The following PLA2G4F variants were observed in gnomAD, a reference collection of about 807,000 sequenced individuals.
The protein encoded by PLA2G4F is phospholipase A2 group IVF.
Under a neutral mutation model 103.1 loss-of-function variants are expected in PLA2G4F, and 105 were observed. The observed-to-expected ratio is 1.02, with a 90% CI of 0.87 to 1.20. PLA2G4F has a LOEUF of 1.20. Among genes scored for constraint, PLA2G4F ranks in the 50% most tolerant of loss-of-function variants. The probability of loss-of-function intolerance (pLI) is 0.00; values close to 1 mark genes in which losing one functional copy is unlikely to be tolerated. For missense variants in PLA2G4F, 1,155 were observed against 1,075.9 expected (o/e 1.07, Z -1.03); for synonymous variants, 468 against 441.1 (o/e 1.06, Z -0.76).
rs772958274 is a variant in PLA2G4F, at chr15:42,143,976, A to T, written c.2142+2T>A. 1 of 1,594,988 alleles carries T rather than the reference A, an allele frequency of 6.3e-7. No individual in the cohort carries two copies. The highest frequency in any genetic ancestry group is 8.6e-7 in the Non-Finnish European group (1 of 1,168,496). ...TCCCCACATCCCTGCCTCCCAGCTC[A>T]CCTCAAAAGGGGCTTCCAAGGAATA... On this transcript the variant is annotated splice_donor_variant, in intron 18 of 19. Transcript: ENST00000397272. LOFTEE classifies it high-confidence loss of function.
chr15:42,150,080 C>A lies in PLA2G4F; in HGVS notation c.923+24G>T, dbSNP rs185307359. 261 of 1,614,108 alleles carry A rather than the reference C, an allele frequency of 1.6e-4. 1 individual carries two copies. In the African/African-American group the frequency reaches 3.2e-3, roughly 20 times the overall value. On this transcript the variant is annotated intron_variant, in intron 10 of 19. Coordinates refer to ENST00000397272, the MANE Select transcript of PLA2G4F (RefSeq NM_213600.4). ...GCACTTCTAGCCCAGCCCCAAGAGG[C>A]CTTCTGCCTGGAGTCCCACTCACCT...
intron 7 of PLA2G4F, chr15:42,151,208 G>C: frequency 3.0e-6 from 3 of 985,466 alleles, no homozygotes; most frequent in Non-Finnish European, 1.2e-6. Context: ...CCAGTAGGCT[G>C]CAAGTTGTTC....
chr15:42,146,918 C>G (rs2048893249), intron 13 of PLA2G4F: 2 of 581,130 alleles, frequency 3.4e-6, no homozygotes, highest in South Asian at 2.1e-5. Context: ...GCGCTGCGGA[C>G]CAGGCTCCTC....
intron 7 of PLA2G4F, chr15:42,151,126 G>T (rs2048957596): frequency 1.0e-6 from 1 of 985,310 alleles, no homozygotes; most frequent in African/African-American, 1.7e-5. Context: ...CAGTTTTCAG[G>T]CAGTGGTTTC....
Position 42,142,139 on chromosome 15 carries a change from G to C in PLA2G4F, c.2395C>G (p.Pro799Ala). 1 of 1,614,200 alleles carries C rather than the reference G, an allele frequency of 6.2e-7. No individual in the cohort carries two copies. Among genetic ancestry groups the C allele is most frequent in the Non-Finnish European group, 8.5e-7 (1 of 1,180,026 alleles). Residue 799 changes from proline (P) to alanine (A), a missense_variant, in exon 20 of 20, where the codon CCC (proline) becomes GCC (alanine). Physicochemically the swap from Pro to Ala is conservative, Grantham distance 27 (BLOSUM62 -1). This residue lies in a region of PLA2G4F where 782 missense variants were observed against 692.9 expected (regional missense o/e 1.13). Transcript: ENST00000397272. Reference sequence around the variant, plus strand: ...TAGGTGAAGTTCATCATGCCATAGGGGGTGTCTGGCCTGTTGATGACAAAG... The same window carrying C: ...TAGGTGAAGTTCATCATGCCATAGGCGGTGTCTGGCCTGTTGATGACAAAG... The part of the protein sequence containing the change: ...GDFVINRPDT[P>A]YGMMNFTYEP...
rs1384017587 is a variant in PLA2G4F at position 42,139,408 on chromosome 15, T to G, written c.*2576A>C. The G allele has an allele frequency of 1.3e-5, 2 of 152,304 alleles. No homozygotes were observed. The highest frequency in any genetic ancestry group is 2.9e-5 in the Non-Finnish European group (2 of 68,130). 9.4% of individuals were successfully genotyped at this position (152,304 alleles called of 1,614,324 possible). A position where few individuals can be genotyped will look rare whatever the true frequency, so the allele number is the denominator to read the frequency against. ...TTCCCTATAGCTTCTCCCACCACTC[T>G]GACCAATCTCCTACACTTGTGGCCC... On this transcript the variant is annotated 3_prime_UTR_variant, in exon 20 of 20. Coordinates refer to ENST00000397272, the MANE Select transcript of PLA2G4F (RefSeq NM_213600.4).
intron 13 of PLA2G4F, chr15:42,146,678 C>T (rs961625803): frequency 5.6e-5 from 12 of 215,868 alleles, no homozygotes; most frequent in African/African-American, 1.1e-4. Context: ...CGAATCTTAT[C>T]GCCTGGAACT....
At position 42,140,352 on chromosome 15, in the gene PLA2G4F, T is replaced by C. The variant is rs1298057283; in HGVS notation, c.*1632A>G. 3.3e-5 allele frequency: 5 copies of C among 152,256 alleles called. No individual in the cohort carries two copies. 9.4% of individuals were successfully genotyped at this position (152,256 alleles called of 1,614,324 possible). On this transcript the variant is annotated 3_prime_UTR_variant, in exon 20 of 20. Coordinates refer to ENST00000397272, the MANE Select transcript of PLA2G4F (RefSeq NM_213600.4). ...CACAGATTCTAAGTTGTGAACGCTG[T>C]GCAGTTCTGAGCTGTGAACCCTATG... is the stretch of plus-strand genomic sequence containing the variant.
chr15:42,155,133 ACAT>A (rs2049002474), intron 2 of PLA2G4F, among the ~76,000 whole-genome samples: 1 of 151,928 alleles, frequency 6.6e-6, no homozygotes, highest in Non-Finnish European at 1.5e-5. Context: ...ACTCGCACTC[ACAT>A]ATATACACTT....
At chr15:42,156,011 G>T (rs1309963058) in intron 1 of PLA2G4F, among the ~76,000 whole-genome samples, 1 of 152,182 alleles carries the variant, frequency 6.6e-6, no homozygotes, top group Non-Finnish European at 1.5e-5. Flanking sequence ...CTCAAAGACC[G>T]TCTAGGAGGC....
Position 42,154,146 on chromosome 15 carries a change from C to G in PLA2G4F, c.396G>C (p.Leu132=), listed in dbSNP as rs2048987834. 6.2e-7 allele frequency: 1 copy of G among 1,614,198 alleles called. No homozygotes were observed. The highest frequency in any genetic ancestry group is 8.5e-7 in the Non-Finnish European group (1 of 1,180,038). ...SDQLSLLLFD[L]RSLKCGQPHK... ...GAGGTTGGCCACACTTGAGGCTTCT[C>G]AGGTCAAACAGGAGCAGAGAGAGCT... Residue 132 remains leucine, a synonymous_variant, in exon 4 of 20, where the codon CTG becomes CTC. Coordinates refer to ENST00000397272, the MANE Select transcript of PLA2G4F (RefSeq NM_213600.4).
In PLA2G4F at chr15:42,156,432, A is replaced by G; in HGVS notation, c.111+7T>C. On this transcript the variant is annotated splice_region_variant and intron_variant, in intron 1 of 19. Coordinates refer to ENST00000397272, the MANE Select transcript of PLA2G4F (RefSeq NM_213600.4). ...CCGGGTTTCCCAGGTAATCTCAGGT[A>G]CGTTACCCGCCAGTGCCTCCACAGA... The G allele has an allele frequency of 6.4e-7, 1 of 1,552,104 alleles. No homozygotes were observed. Among genetic ancestry groups the G allele is most frequent in the Non-Finnish European group, 8.7e-7 (1 of 1,146,788 alleles).
rs768071758 is a variant in PLA2G4F at position 42,153,660 on chromosome 15, C to G, written c.451G>C (p.Asp151His). ...HKHTFPLNHQDSQELQVEFVL... is the reference protein window; with the variant it reads ...HKHTFPLNHQHSQELQVEFVL... ...AATTCCACCTGCAGCTCTTGTGAAT[C>G]CTACATGGAGGGGGAGGGAGCACCA... Residue 151 changes from aspartate (D) to histidine (H), a missense_variant and splice_region_variant, in exon 5 of 20, where the codon GAT becomes CAT. Around this residue, in one of 3 missense-constraint regions of PLA2G4F, gnomAD observed 370 missense variants for 364.9 expected, o/e 1.01. Transcript: ENST00000397272. 5.0e-6 allele frequency: 8 copies of G among 1,614,190 alleles called. No individual in the cohort carries two copies. Among genetic ancestry groups the G allele is most frequent in the Non-Finnish European group, 5.9e-6 (7 of 1,180,010 alleles).
Position 42,155,836 on chromosome 15 carries a change from C to T in PLA2G4F, c.112-247G>A, listed in dbSNP as rs116023044. Among the ~76,000 whole-genome samples, 403 of 152,314 alleles carry T rather than the reference C, an allele frequency of 2.6e-3. 1 individual carries two copies. Among genetic ancestry groups the T allele is most frequent in the African/African-American group, 9.4e-3 (389 of 41,570 alleles). On this transcript the variant is annotated intron_variant, in intron 1 of 19. Transcript: ENST00000397272. ...ATCCAGCACGGACTCACTGAACTAACGATGGCTGTCACGCACCACACACCT... is the reference window on the plus strand; with the variant it reads ...ATCCAGCACGGACTCACTGAACTAATGATGGCTGTCACGCACCACACACCT...
chr15:42,151,625 A>G (rs1250614532), intron 7 of PLA2G4F: 7 of 985,244 alleles, frequency 7.1e-6, no homozygotes, highest in Non-Finnish European at 8.4e-6. Context: ...CTTGCACTAG[A>G]TGAGGCCCGG....
chr15:42,150,785 C>CCTG lies in PLA2G4F; in HGVS notation c.602-9_602-8insCAG. On this transcript the variant is annotated splice_polypyrimidine_tract_variant and intron_variant, in intron 7 of 19. Transcript: ENST00000397272. The stretch of plus-strand genomic sequence containing the variant: ...GCTGGAGCTGCCTAGAGCCTGAGAG[C>CCTG]AGAGGGCCCAGGTGGGTGCGCAGGT... 2 of 1,603,764 alleles carry CCTG rather than the reference C, an allele frequency of 1.2e-6. No individual in the cohort carries two copies. The highest frequency in any genetic ancestry group is 8.5e-7 in the Non-Finnish European group (1 of 1,176,588).
Position 42,142,189 on chromosome 15 carries a change from G to A in PLA2G4F, c.2345C>T (p.Thr782Ile), listed in dbSNP as rs1354520327. Residue 782 changes from threonine to isoleucine, a missense_variant, in exon 20 of 20, where the codon ACA (threonine) becomes ATA (isoleucine). Coordinates refer to ENST00000397272, the MANE Select transcript of PLA2G4F (RefSeq NM_213600.4). The stretch of plus-strand genomic sequence containing the variant: ...GTCCCCAAAGGCCTTCTCCTCAGCT[G>A]TTTGTCGCTCCACACCTGTGGGTGG... ...THLAPGVERQ[T>I]AEEKAFGDFV... is the part of the protein sequence containing the mutation. 1 of 1,612,628 alleles carries A rather than the reference G, an allele frequency of 6.2e-7. No individual in the cohort carries two copies. Among genetic ancestry groups the A allele is most frequent in the Non-Finnish European group, 8.5e-7 (1 of 1,179,172 alleles).
Position 42,156,605 on chromosome 15 carries a change from A to G in PLA2G4F, c.-56T>C, listed in dbSNP as rs1355467292. On this transcript the variant is annotated 5_prime_UTR_variant, in exon 1 of 20. Coordinates refer to ENST00000397272, the MANE Select transcript of PLA2G4F (RefSeq NM_213600.4). Reference sequence around the variant, plus strand: ...CCTGCCTGCGCTCCTCTGGTTGCACAAACTGCTGGCTCAGGTGTGACAGGC... The same window carrying G: ...CCTGCCTGCGCTCCTCTGGTTGCACGAACTGCTGGCTCAGGTGTGACAGGC... The G allele has an allele frequency of 2.5e-5, 32 of 1,285,312 alleles. No homozygotes were observed. Among genetic ancestry groups the G allele is most frequent in the Non-Finnish European group, 3.2e-5 (30 of 932,894 alleles). The allele number at this position is 1,285,312 out of a possible 1,614,324, so 79.6% of individuals were successfully genotyped here.
chr15:42,153,684 C>T (rs1207760708), intron 4 of PLA2G4F, 24 bp from the exon 5 acceptor site: 5 of 1,613,666 alleles, frequency 3.1e-6, no homozygotes, highest in Non-Finnish European at 4.2e-6. Flanking sequence ...GAGGGAGCAC[C>T]AATTTTTTCA....
Sources: gnomAD v4.1 joint callset for allele counts (sites outside exome capture counted in the v4.1 genomes callset) on GRCh38, gnomAD v4.1.1 for gene constraint, gnomAD v4.1.1 regional missense constraint, MANE v1.5 for transcripts, NCBI Gene and HGNC (gene_info 2026-07-23, HGNC 2026-07-21) for gene names.